The following PELP1 variants were observed in gnomAD, a reference collection of about 807,000 sequenced individuals.
PELP1 encodes proline, glutamate and leucine rich protein 1, also known as proline-, glutamic acid- and leucine-rich protein 1.
In PELP1, 32 loss-of-function variants were observed where a neutral mutation model predicts 95.5. That is an observed-to-expected ratio of 0.34 (90% CI 0.25 to 0.45). The LOEUF is 0.45. Ranked by LOEUF, PELP1 falls within the 20% of genes least tolerant of loss-of-function variation. The pLI, the probability that PELP1 is intolerant of heterozygous loss-of-function variation, is 1.00. For synonymous variants in PELP1, 668 were observed against 600.1 expected, an observed-to-expected ratio of 1.11 and a Z score of -1.65; for missense variants, 1,358 against 1,444.8, an observed-to-expected ratio of 0.94 and a Z score of 0.97.
intron 1 of PELP1, among the ~76,000 whole-genome samples, chr17:4,703,523 G>A (rs532054357): frequency 5.8e-4 from 89 of 152,278 alleles, no homozygotes; most frequent in African/African-American, 2.1e-3. Context: ...GCGTCATTCA[G>A]TCAGTCGAAA....
chr17:4,675,336 C>G lies in PELP1; in HGVS notation c.1095G>C (p.Arg365=), dbSNP rs1272722663. 3.9e-6 allele frequency: 6 copies of G among 1,556,820 alleles called. No homozygotes were observed. The highest frequency in any genetic ancestry group is 5.2e-6 in the Non-Finnish European group (6 of 1,149,688). Residue 365 remains arginine (R), a synonymous_variant, in exon 10 of 17, where the codon CGG becomes CGC. Transcript: ENST00000572293. The surrounding 1 kb of genome is among the most constrained non-coding windows in gnomAD (Gnocchi z 4.3). ...NISLHGDGPL[R]LLLLPSIHLE... The stretch of plus-strand genomic sequence containing the variant: ...GGTGGATAGAGGGCAGCAGCAGCAG[C>G]CGCAGGGGACCATCTCCATGCAAGC...
At chr17:4,702,787 G>C (rs565370730) in intron 1 of PELP1, among the ~76,000 whole-genome samples, 1 of 152,282 alleles carries the variant, frequency 6.6e-6, no homozygotes, top group South Asian at 2.1e-4. Flanking sequence ...CTTGAAGGAT[G>C]GGTAGAATTT....
Position 4,671,005 on chromosome 17 carries a change from T to TTTCAGACCAAGGGG in PELP1, c.*420_*433dup, listed in dbSNP as rs1912172861. ...GACTGAGCAATCACTCAGCCTGCCC[T>TTTCAGACCAAGGGG]TTCAGACCAAGGGGCTGAGCACGCA... On this transcript the variant is annotated 3_prime_UTR_variant, in exon 17 of 17. Transcript: ENST00000572293. The TTTCAGACCAAGGGG allele has an allele frequency of 5.4e-6, 1 of 185,524 alleles. No individual in the cohort carries two copies. Among genetic ancestry groups the TTTCAGACCAAGGGG allele is most frequent in the Non-Finnish European group, 1.1e-5 (1 of 91,074 alleles). 11.5% of individuals were successfully genotyped at this position (185,524 alleles called of 1,614,324 possible).
intron 1 of PELP1, among the ~76,000 whole-genome samples, chr17:4,701,765 G>T (rs763310950): frequency 2.0e-5 from 3 of 152,168 alleles, no homozygotes; most frequent in Non-Finnish European, 4.4e-5. Context: ...TAGAGACGAG[G>T]AACAGTACGT....
Position 4,673,035 on chromosome 17 carries a change from G to A in PELP1, c.1956C>T (p.Pro652=), listed in dbSNP as rs868431825. The A allele has an allele frequency of 3.3e-6, 5 of 1,532,640 alleles. No homozygotes were observed. The highest frequency in any genetic ancestry group is 1.8e-4 in the Middle Eastern group (1 of 5,608). The allele number at this position is 1,532,640 out of a possible 1,614,324, so 94.9% of individuals were successfully genotyped here. A position where few individuals can be genotyped will look rare whatever the true frequency, so the allele number is the denominator to read the frequency against. Residue 652 remains proline (P), a synonymous_variant, in exon 16 of 17, where the codon CCC becomes CCT. Transcript: ENST00000572293. The surrounding 1 kb of genome is among the most constrained non-coding windows in gnomAD (Gnocchi z 5.7). ...GPTCPTPAPV[P]PPEAPSPFRA... is the part of the protein sequence containing the mutation. ...TGAAGGGCGATGGGGCCTCAGGAGG[G>A]GGAACTGGAGCAGGTGTGGGGCAGG...
In PELP1 at chr17:4,682,860, G is replaced by T; in HGVS notation, c.513C>A (p.Asp171Glu). ...YAAQLPALFR[D>E]ISMNHLPGLL... is the part of the protein sequence containing the mutation. The stretch of plus-strand genomic sequence containing the variant: ...GGCCAGGGAGGTGGTTCATGGAGAT[G>T]TCCCGGAACAGTGCAGGCAGCTGGG... The change falls in exon 4 of 17, where the codon GAC (aspartate) becomes GAA (glutamate). Residue 171 changes from aspartate (D) to glutamate (E), a missense_variant. Asp to Glu is a conservative substitution (Grantham distance 45). This residue lies in a region of PELP1 where 538 missense variants were observed against 628.1 expected (regional missense o/e 0.86). Coordinates refer to ENST00000572293, the MANE Select transcript of PELP1 (RefSeq NM_014389.3). 6.2e-7 allele frequency: 1 copy of T among 1,602,108 alleles called. No homozygotes were observed. Among genetic ancestry groups the T allele is most frequent in the Non-Finnish European group, 8.5e-7 (1 of 1,175,168 alleles).
At position 4,673,432 on chromosome 17, in the gene PELP1, G is replaced by T; in HGVS notation, c.1663C>A (p.Leu555Met). ...TCACCCTGCTGTACACCCATGACCA[G>T]GGGGAGGACCAGGTCATGCAGTCTC... is the stretch of plus-strand genomic sequence containing the variant. ...HRRLHDLVLP[L>M]VMGVQQGEVL... Residue 555 changes from leucine to methionine, a missense_variant, in exon 15 of 17, where the codon CTG becomes ATG. By Grantham distance (15) the Leu-to-Met change is conservative. Around this residue, in one of 7 missense-constraint regions of PELP1, gnomAD observed 538 missense variants for 628.1 expected, o/e 0.86. Transcript: ENST00000572293. The surrounding 1 kb of genome is among the most constrained non-coding windows in gnomAD (Gnocchi z 5.7). 1.3e-6 allele frequency: 2 copies of T among 1,593,810 alleles called. No homozygotes were observed. Among genetic ancestry groups the T allele is most frequent in the Non-Finnish European group, 1.7e-6 (2 of 1,170,638 alleles).
intron 1 of PELP1, among the ~76,000 whole-genome samples, chr17:4,703,659 G>C (rs1215478865): frequency 6.6e-6 from 1 of 152,192 alleles, no homozygotes. Flanking sequence ...AGAAAAATAA[G>C]GCCCATTTTT....
intron 3 of PELP1, among the ~76,000 whole-genome samples, chr17:4,684,894 TTTCACCATGTTGGCCAGACTGGTCTTGAA>T (rs1160020946): frequency 6.6e-6 from 1 of 152,070 alleles, no homozygotes; most frequent in Non-Finnish European, 1.5e-5. Context: ...AGAGATGGGG[TTTCACCATGTTGGCCAGACTGGTCTTGAA>T]TTCCTGACCT....
In PELP1 at chr17:4,676,005, C is replaced by T. The variant is rs189329659; in HGVS notation, c.980+31G>A. Reference sequence around the variant, plus strand: ...TCCCTCATCAATCCCTCCTGCTCCACGCCTCCGCTCCCTCCAATACCCACA... The same window carrying T: ...TCCCTCATCAATCCCTCCTGCTCCATGCCTCCGCTCCCTCCAATACCCACA... On this transcript the variant is annotated intron_variant, in intron 8 of 16. Transcript: ENST00000572293. 157 of 1,612,048 alleles carry T rather than the reference C, an allele frequency of 9.7e-5. 1 individual carries two copies. The East Asian group carries it at 2.3e-3, about 24-fold the overall frequency.
rs1702554463 is a variant in PELP1, at chr17:4,675,138, G to A, written c.1215C>T (p.Val405=). 2.5e-6 allele frequency: 4 copies of A among 1,613,812 alleles called. No individual in the cohort carries two copies. The African/African-American group carries it at 4.0e-5, about 16-fold the overall frequency. ...CTCTACCGATGCTCCAGGAATTGAG[G>A]ACCTGGGGAAGCAGGCGGCCGATCA... ...GILIGRLLPQ[V]LNSWSIGRDS... Residue 405 remains valine (V), a synonymous_variant, in exon 11 of 17, where the codon GTC becomes GTT. Transcript: ENST00000572293. This position sits in a 1 kb window ranked among gnomAD's most constrained non-coding sequence, Gnocchi z 4.3.
At position 4,673,760 on chromosome 17, in the gene PELP1, TC is replaced by T; in HGVS notation, c.1583-87del. On this transcript the variant is annotated intron_variant, in intron 13 of 16. Coordinates refer to ENST00000572293, the MANE Select transcript of PELP1 (RefSeq NM_014389.3). The surrounding 1 kb of genome is among the most constrained non-coding windows in gnomAD (Gnocchi z 5.7). ...TGAAGCATACAGCCCAAAATGGGCA[TC>T]AACTCTGCCACTGCCTATCTTGGCC... The T allele has an allele frequency of 9.0e-7, 1 of 1,110,182 alleles. No homozygotes were observed. The highest frequency in any genetic ancestry group is 1.4e-6 in the Non-Finnish European group (1 of 720,456). 68.8% of individuals were successfully genotyped at this position (1,110,182 alleles called of 1,614,324 possible).
intron 1 of PELP1, among the ~76,000 whole-genome samples, chr17:4,700,928 C>CA (rs61195131): frequency 0.2 from 20,797 of 102,422 alleles, 2,121 homozygotes; most frequent in Non-Finnish European, 0.26. Flanking sequence ...GGCCCTATCT[C>CA]AAAAAAAAAA....
rs1443340914 is a variant in PELP1 at position 4,676,382 on chromosome 17, C to T, written c.828G>A (p.Gly276=). The T allele has an allele frequency of 1.9e-6, 3 of 1,613,716 alleles. No individual in the cohort carries two copies. The highest frequency in any genetic ancestry group is 2.2e-5 in the South Asian group (2 of 91,072). ...SLLASLHTLL[G]ALYEGAETAP... is the part of the protein sequence containing the mutation. ...CAGTCTCTGCTCCCTCGTACAGGGC[C>T]CCCAGCAGGGTGTGCAGTGAGGCCA... Residue 276 remains glycine, a synonymous_variant, in exon 7 of 17, where the codon GGG becomes GGA. Coordinates refer to ENST00000572293, the MANE Select transcript of PELP1 (RefSeq NM_014389.3).
chr17:4,683,072 G>A (rs1040954534), intron 3 of PELP1, 120 bp from the exon 4 acceptor site: 2 of 1,340,424 alleles, frequency 1.5e-6, no homozygotes, highest in Non-Finnish European at 1.9e-6. Context: ...GACCATCCAA[G>A]CCACTACCTG....
Position 4,673,390 on chromosome 17 carries a change from G to C in PELP1, c.1705C>G (p.Pro569Ala), listed in dbSNP as rs929203690. ...CGGCGGCAGCGGGAGCTCGTGTACGGGGAGCTGCCTAGGACCTCACCCTGC... is the reference window on the plus strand; with the variant it reads ...CGGCGGCAGCGGGAGCTCGTGTACGCGGAGCTGCCTAGGACCTCACCCTGC... ...VQQGEVLGSS[P>A]YTSSRCRREL... is the part of the protein sequence containing the mutation. The change falls in exon 15 of 17, where the codon CCG (proline) becomes GCG (alanine). Residue 569 changes from proline (P) to alanine (A), a missense_variant. By Grantham distance (27) the Pro-to-Ala change is conservative. Around this residue, in one of 7 missense-constraint regions of PELP1, gnomAD observed 538 missense variants for 628.1 expected, o/e 0.86. Transcript: ENST00000572293. This position sits in a 1 kb window ranked among gnomAD's most constrained non-coding sequence, Gnocchi z 5.7. The C allele has an allele frequency of 2.5e-6, 4 of 1,597,650 alleles. No homozygotes were observed. The highest frequency in any genetic ancestry group is 3.4e-6 in the Non-Finnish European group (4 of 1,172,694).
At chr17:4,702,922 T>C (rs546640178) in intron 1 of PELP1, among the ~76,000 whole-genome samples, 2 of 152,184 alleles carry the variant, frequency 1.3e-5, no homozygotes, top group South Asian at 4.2e-4. Flanking sequence ...GGGTTCAAGC[T>C]AGAATGGGAG....
At position 4,672,038 on chromosome 17, in the gene PELP1, C is replaced by T. The variant is rs1221681993; in HGVS notation, c.2953G>A (p.Ala985Thr). The T allele has an allele frequency of 6.4e-7, 1 of 1,566,960 alleles. No homozygotes were observed. Among genetic ancestry groups the T allele is most frequent in the East Asian group, 2.6e-5 (1 of 38,268 alleles). ...GAPPPPTLPPALPPPESPPKV... is the reference protein window; with the variant it reads ...GAPPPPTLPPTLPPPESPPKV... The stretch of plus-strand genomic sequence containing the variant: ...GGGGGAGACTCAGGGGGAGGCAGAG[C>T]TGGAGGCAGGGTTGGGGGTGGAGGT... Residue 985 changes from alanine (A) to threonine (T), a missense_variant, in exon 16 of 17, where the codon GCT becomes ACT. Physicochemically the swap from Ala to Thr is moderately conservative, Grantham distance 58. Coordinates refer to ENST00000572293, the MANE Select transcript of PELP1 (RefSeq NM_014389.3).
At position 4,672,979 on chromosome 17, in the gene PELP1, A is replaced by G; in HGVS notation, c.2012T>C (p.Met671Thr). 1.3e-6 allele frequency: 2 copies of G among 1,581,360 alleles called. No homozygotes were observed. Among genetic ancestry groups the G allele is most frequent in the South Asian group, 2.3e-5 (2 of 85,796 alleles). Residue 671 changes from methionine to threonine, a missense_variant, in exon 16 of 17, where the codon ATG becomes ACG. Physicochemically the swap from Met to Thr is moderately conservative, Grantham distance 81 (BLOSUM62 -1). This residue lies in a region of PELP1 where 340 missense variants were observed against 322.9 expected (regional missense o/e 1.05). Coordinates refer to ENST00000572293, the MANE Select transcript of PELP1 (RefSeq NM_014389.3). Reference protein sequence around the residue: ...RAPPFHPPGPMPSVGSMPSAG... With the variant: ...RAPPFHPPGPTPSVGSMPSAG... Reference sequence around the variant, plus strand: ...TGAGGGCATGGAGCCCACTGAGGGCATGGGGCCCGGAGGATGGAACGGTGG... The same window carrying G: ...TGAGGGCATGGAGCCCACTGAGGGCGTGGGGCCCGGAGGATGGAACGGTGG...
Sources: allele counts gnomAD v4.1 joint callset (sites outside exome capture counted in the v4.1 genomes callset), GRCh38; gene constraint gnomAD v4.1.1; regional missense constraint gnomAD v4.1.1; non-coding constraint Gnocchi (gnomAD v3.1); transcripts MANE v1.5; gene names NCBI Gene and HGNC (gene_info 2026-07-23, HGNC 2026-07-21).